The following AKAP6 variants were observed in gnomAD, a reference collection of about 807,000 sequenced individuals.
The protein encoded by AKAP6 is A-kinase anchoring protein 6, also known as A-kinase anchor protein 6.
A neutral mutation model predicts 188.5 loss-of-function variants in AKAP6; 58 were observed. The observed-to-expected ratio is 0.31, with a 90% CI of 0.25 to 0.38. The LOEUF (loss-of-function observed/expected upper bound fraction) is 0.38. AKAP6 is among the 10% of genes least tolerant of loss of function. The probability of loss-of-function intolerance (pLI) is 1.00; values close to 1 mark genes in which losing one functional copy is unlikely to be tolerated. For synonymous variants in AKAP6, 989 were observed against 998.6 expected, an observed-to-expected ratio of 0.99 and a Z score of 0.18; for missense variants, 2,710 against 2,740.0, an observed-to-expected ratio of 0.99 and a Z score of 0.24.
At chr14:32,753,623 AG>A (rs1034163441) in intron 11 of AKAP6, among the ~76,000 whole-genome samples, 6 of 151,878 alleles carry the variant, frequency 4.0e-5, no homozygotes, top group African/African-American at 1.2e-4. Context: ...TATGTTTTCT[AG>A]GGGGAAAGTT....
intron 4 of AKAP6, among the ~76,000 whole-genome samples, chr14:32,558,594 T>C (rs2139198972): frequency 6.6e-6 from 1 of 152,320 alleles, no homozygotes; most frequent in East Asian, 1.9e-4. Context: ...GTTTGGGTGA[T>C]AGTTAAGAGA....
chr14:32,523,332 T>TA (rs942766583), intron 2 of AKAP6, among the ~76,000 whole-genome samples: 34 of 152,080 alleles, frequency 2.2e-4, no homozygotes, highest in Admixed American at 2.6e-4. Flanking sequence ...TAGAATTTTT[T>TA]AAAAAAAGAA....
intron 1 of AKAP6, among the ~76,000 whole-genome samples, chr14:32,369,494 CAAA>C (rs1887941846): frequency 1.3e-5 from 2 of 152,136 alleles, no homozygotes; most frequent in Admixed American, 1.3e-4. Flanking sequence ...TTGTTAAAAA[CAAA>C]GAAGTAGGAG....
At chr14:32,761,638 T>C (rs957005271) in intron 11 of AKAP6, among the ~76,000 whole-genome samples, 5 of 152,122 alleles carry the variant, frequency 3.3e-5, no homozygotes, top group African/African-American at 9.7e-5. Context: ...TCCCTAGGAA[T>C]TCCTCTTGGG....
intron 1 of AKAP6, among the ~76,000 whole-genome samples, chr14:32,346,633 C>T (rs557152658): frequency 5.3e-5 from 8 of 152,166 alleles, no homozygotes; most frequent in Non-Finnish European, 2.9e-5. Flanking sequence ...CTCAGCCTCC[C>T]GAGTAGCTGG....
At chr14:32,331,021 C>T (rs771928577) in intron 1 of AKAP6, among the ~76,000 whole-genome samples, 17 of 151,816 alleles carry the variant, frequency 1.1e-4, no homozygotes, top group Non-Finnish European at 2.2e-4. Flanking sequence ...ACATCTAAGT[C>T]GAAAGCTCTA....
At chr14:32,432,422 T>C (rs969206569) in intron 1 of AKAP6, among the ~76,000 whole-genome samples, 1 of 152,228 alleles carries the variant, frequency 6.6e-6, no homozygotes, top group Non-Finnish European at 1.5e-5. Context: ...ATTACACTTA[T>C]GTTATTTTAA....
At chr14:32,465,793 C>A (rs184150003) in intron 2 of AKAP6, among the ~76,000 whole-genome samples, 3 of 152,064 alleles carry the variant, frequency 2.0e-5, no homozygotes, top group Admixed American at 1.3e-4. Context: ...CATGAACAGG[C>A]GACCTAAGAA....
chr14:32,413,273 T>A (rs1889552629), intron 1 of AKAP6, among the ~76,000 whole-genome samples: 1 of 147,982 alleles, frequency 6.8e-6, no homozygotes, highest in African/African-American at 2.5e-5. Context: ...CCTTGACCTC[T>A]CAAGATCCAA....
At chr14:32,582,391 T>C (rs1219136097) in intron 5 of AKAP6, among the ~76,000 whole-genome samples, 1 of 151,152 alleles carries the variant, frequency 6.6e-6, no homozygotes, top group Non-Finnish European at 1.5e-5. Flanking sequence ...CTTCCCTTTG[T>C]GGGTAACCCG....
At chr14:32,329,868 T>C (rs1886475170) in intron 1 of AKAP6, among the ~76,000 whole-genome samples, 1 of 152,132 alleles carries the variant, frequency 6.6e-6, no homozygotes, top group Admixed American at 6.6e-5. Flanking sequence ...AGTTTCTTCA[T>C]GGCAAGGAAC....
chr14:32,398,201 C>T (rs985354425), intron 1 of AKAP6, among the ~76,000 whole-genome samples: 1 of 152,216 alleles, frequency 6.6e-6, no homozygotes, highest in Admixed American at 6.5e-5. Flanking sequence ...GGAGTGCTCC[C>T]ATGCTTTCTT....
chr14:32,818,244 A>G (rs1026700140), intron 12 of AKAP6, among the ~76,000 whole-genome samples: 5 of 152,308 alleles, frequency 3.3e-5, no homozygotes, highest in African/African-American at 7.2e-5. Context: ...GAGAGTTAAT[A>G]AAAGAACAGT....
intron 2 of AKAP6, among the ~76,000 whole-genome samples, chr14:32,526,346 C>CT (rs903351911): frequency 2.6e-5 from 4 of 152,316 alleles, no homozygotes; most frequent in Admixed American, 2.6e-4. Flanking sequence ...GATCCTCCTG[C>CT]TTCAGCCTCC....
intron 4 of AKAP6, among the ~76,000 whole-genome samples, chr14:32,558,228 A>G (rs141172353): frequency 6.6e-6 from 1 of 152,346 alleles, no homozygotes; most frequent in East Asian, 1.9e-4. Context: ...CAAAAAGTAT[A>G]GAAGTTTAAT....
rs765025845 is a variant in AKAP6, at chr14:32,834,653, C to G, written c.*4848C>G. ...GTCCAGGCCAGTTTTGCAGAATGAT[C>G]CACAATCTTGATGGGTCTAGTTGTT... On this transcript the variant is annotated 3_prime_UTR_variant, in exon 14 of 14. Transcript: ENST00000280979. 4.6e-5 allele frequency: 7 copies of G among 150,644 alleles called. No individual in the cohort carries two copies. Among genetic ancestry groups the G allele is most frequent in the Non-Finnish European group, 1.0e-4 (7 of 67,824 alleles). The allele number at this position is 150,644 out of a possible 1,614,324, so 9.3% of individuals were successfully genotyped here.
At chr14:32,514,339 C>G (rs1881412045) in intron 2 of AKAP6, among the ~76,000 whole-genome samples, 1 of 152,142 alleles carries the variant, frequency 6.6e-6, no homozygotes, top group African/African-American at 2.4e-5. Context: ...TACAAATCAA[C>G]AGTCAAGCCA....
chr14:32,609,351 T>C (rs940530362), intron 7 of AKAP6, among the ~76,000 whole-genome samples: 11 of 152,188 alleles, frequency 7.2e-5, no homozygotes, highest in African/African-American at 9.7e-5. Flanking sequence ...AGAGTGTTTT[T>C]TAAGGTACTG....
chr14:32,499,552 A>G (rs1429355484), intron 2 of AKAP6, among the ~76,000 whole-genome samples: 1 of 151,920 alleles, frequency 6.6e-6, no homozygotes, highest in Non-Finnish European at 1.5e-5. Context: ...ACTGTTTAGA[A>G]GATAAATATG....
Sources: gnomAD v4.1 joint callset for allele counts (sites outside exome capture counted in the v4.1 genomes callset) on GRCh38, gnomAD v4.1.1 for gene constraint, MANE v1.5 for transcripts, NCBI Gene and HGNC (gene_info 2026-07-23, HGNC 2026-07-21) for gene names.